Variants in SGCD observed in about 807,000 individuals in gnomAD.
The protein encoded by SGCD is sarcoglycan delta, also known as delta-sarcoglycan.
In SGCD, 18 loss-of-function variants were observed where a neutral mutation model predicts 36.6. The ratio of observed to expected loss-of-function variants is 0.49; its 90% CI spans 0.34 to 0.73. The LOEUF (loss-of-function observed/expected upper bound fraction) is 0.73, where lower values mean the gene tolerates loss of function less well. SGCD is among the 30% of genes least tolerant of loss of function. SGCD has a pLI of 0.01. For missense variants in SGCD, 387 were observed against 346.7 expected, an observed-to-expected ratio of 1.12 and a Z score of -0.92; for synonymous variants, 133 against 130.6, an observed-to-expected ratio of 1.02 and a Z score of -0.12.
At chr5:155,773,523 G>T in the SGCD span, among the ~76,000 whole-genome samples, 1 of 152,168 alleles carries the variant, frequency 6.6e-6, no homozygotes, top group Non-Finnish European at 1.5e-5. Flanking sequence ...TACCTGTGAT[G>T]TTCTAGGCCT....
the SGCD span, among the ~76,000 whole-genome samples, chr5:155,825,271 A>G: frequency 1.2e-4 from 18 of 152,208 alleles, no homozygotes; most frequent in African/African-American, 4.1e-4. Context: ...AGAACATACA[A>G]ACTTCATTAG....
chr5:156,489,244 T>C (rs918909801), intron 3 of SGCD, among the ~76,000 whole-genome samples: 1 of 152,076 alleles, frequency 6.6e-6, no homozygotes, highest in African/African-American at 2.4e-5. Flanking sequence ...GCAAATATTA[T>C]TGGATCTAAA....
intron 3 of SGCD, among the ~76,000 whole-genome samples, chr5:156,408,358 AT>A (rs199533412): frequency 0.17 from 24,112 of 138,784 alleles, 2,184 homozygotes; most frequent in African/African-American, 0.26. Flanking sequence ...CCCAAGTTGG[AT>A]TTTTTTTTTT....
intron 3 of SGCD, among the ~76,000 whole-genome samples, chr5:156,253,091 G>T (rs1252052421): frequency 6.6e-6 from 1 of 152,134 alleles, no homozygotes; most frequent in Non-Finnish European, 1.5e-5. Flanking sequence ...GTTGGGAGTG[G>T]GGGTGTTTAT....
chr5:156,299,094 T>C (rs561646570), intron 3 of SGCD, among the ~76,000 whole-genome samples: 1 of 152,346 alleles, frequency 6.6e-6, no homozygotes, highest in African/African-American at 2.4e-5. Flanking sequence ...AAGTCACTAA[T>C]CCATTTTGAT....
Position 156,078,525 on chromosome 5 carries a change from A to G in SGCD, c.-281-39353A>G, listed in dbSNP as rs924186269. Among the ~76,000 whole-genome samples the G allele has an allele frequency of 7.5e-5, 10 of 133,458 alleles. No homozygotes were observed. The East Asian group carries it at 2.0e-3, about 27-fold the overall frequency. 87.6% of individuals were successfully genotyped at this position (133,458 alleles called of 152,430 possible). On this transcript the variant is annotated intron_variant, in intron 1 of 9. Transcript: ENST00000517913. ...AAGACTGTCTCAAAAAAAAAAATAT[A>G]TATATATATATATTTATTTATATAT...
At chr5:156,539,911 C>G (rs1398164825) in intron 4 of SGCD, among the ~76,000 whole-genome samples, 1 of 152,078 alleles carries the variant, frequency 6.6e-6, no homozygotes, top group Non-Finnish European at 1.5e-5. Flanking sequence ...ATTGTTGAAC[C>G]TGTCTAAGCT....
At chr5:156,040,091 T>C (rs985295248) in intron 1 of SGCD, among the ~76,000 whole-genome samples, 1 of 152,208 alleles carries the variant, frequency 6.6e-6, no homozygotes, top group Admixed American at 6.5e-5. Context: ...AGGTTTATAC[T>C]GACCAATGGC....
At chr5:156,701,668 T>C (rs182658913) in intron 7 of SGCD, among the ~76,000 whole-genome samples, 1 of 152,168 alleles carries the variant, frequency 6.6e-6, no homozygotes. Context: ...ACAGAAAGCC[T>C]CTGAAGAGAT....
the SGCD span, among the ~76,000 whole-genome samples, chr5:155,771,018 G>C: frequency 2.0e-5 from 3 of 151,880 alleles, no homozygotes; most frequent in Non-Finnish European, 4.4e-5. Flanking sequence ...TTGAATTTTT[G>C]ACATCAAAAA....
At chr5:155,805,052 T>C in the SGCD span, among the ~76,000 whole-genome samples, 2,926 of 152,328 alleles carry the variant, frequency 0.019, 85 homozygotes, top group African/African-American at 0.059. Context: ...TTTTATTTAA[T>C]TTTAATTAAT....
intron 6 of SGCD, among the ~76,000 whole-genome samples, chr5:156,608,541 C>T (rs1361886116): frequency 6.6e-6 from 1 of 152,134 alleles, no homozygotes; most frequent in East Asian, 1.9e-4. Context: ...GTGGAGAGTT[C>T]TGTAGATGTC....
At position 156,152,531 on chromosome 5, in the gene SGCD, T is replaced by G. The variant is rs191006221; in HGVS notation, c.-44+28512T>G. On this transcript the variant is annotated intron_variant, in intron 3 of 9. Transcript: ENST00000517913. The stretch of plus-strand genomic sequence containing the variant: ...AAATACACTTAAGATTTTCAAGACT[T>G]AGTATAAAAAATATAGGATATCTCT... 2.0e-4 allele frequency among the ~76,000 whole-genome samples: 31 copies of G among 151,822 alleles called. No homozygotes were observed. In the East Asian group the frequency reaches 4.8e-3, roughly 24 times the overall value.
intron 7 of SGCD, among the ~76,000 whole-genome samples, chr5:156,727,684 TC>T (rs35575932): frequency 0.38 from 58,136 of 152,002 alleles, 11,843 homozygotes; most frequent in East Asian, 0.57. Flanking sequence ...TTTCTGTCTA[TC>T]TTGGTTTCTT....
Position 156,197,472 on chromosome 5 carries a change from C to CTTTTTT in SGCD, c.-44+73463_-44+73468dup, listed in dbSNP as rs368116194. Reference sequence around the variant, plus strand: ...AACTCTTTAGAATTGAATAGTTTTCCTTTTTTTTTTTTTTTGGCTAAACAG... The same window carrying CTTTTTT: ...AACTCTTTAGAATTGAATAGTTTTCCTTTTTTTTTTTTTTTTTTTTTGGCTAAACAG... On this transcript the variant is annotated intron_variant, in intron 3 of 9. Coordinates refer to the SGCD transcript ENST00000517913. Among the ~76,000 whole-genome samples, 169 of 133,984 alleles carry CTTTTTT rather than the reference C, an allele frequency of 1.3e-3. 3 individuals carry two copies. Among genetic ancestry groups the CTTTTTT allele is most frequent in the South Asian group, 8.8e-3 (37 of 4,204 alleles). The allele number at this position is 133,984 out of a possible 152,430, so 87.9% of individuals were successfully genotyped here.
intron 3 of SGCD, among the ~76,000 whole-genome samples, chr5:156,424,261 C>CT (rs1773570380): frequency 6.6e-6 from 1 of 151,928 alleles, no homozygotes; most frequent in Admixed American, 6.6e-5. Context: ...TCTTCTTACT[C>CT]TTTTTACTCT....
chr5:156,402,552 A>G (rs1040100654), intron 3 of SGCD, among the ~76,000 whole-genome samples: 1 of 152,160 alleles, frequency 6.6e-6, no homozygotes, highest in Non-Finnish European at 1.5e-5. Flanking sequence ...GGGTGGGAAG[A>G]GGTATTACCA....
intron 1 of SGCD, among the ~76,000 whole-genome samples, chr5:156,070,313 C>T (rs1290295084): frequency 7.2e-5 from 11 of 152,040 alleles, no homozygotes; most frequent in South Asian, 2.1e-4. Flanking sequence ...CCATCAATGC[C>T]GAATTTATTG....
chr5:156,555,378 T>C (rs1758979995), intron 4 of SGCD, among the ~76,000 whole-genome samples: 1 of 152,136 alleles, frequency 6.6e-6, no homozygotes, highest in South Asian at 2.1e-4. Context: ...CTTCAATCCA[T>C]TTTGAGTTAA....
Sources: gnomAD v4.1 joint callset for allele counts (sites outside exome capture counted in the v4.1 genomes callset) on GRCh38, gnomAD v4.1.1 for gene constraint, MANE v1.5 for transcripts, NCBI Gene and HGNC (gene_info 2026-07-23, HGNC 2026-07-21) for gene names.